FANCC: variants seen among roughly 807,000 people sequenced by gnomAD.
FANCC encodes FA complementation group C.
In FANCC, 55 loss-of-function variants were observed where a neutral mutation model predicts 71.3. The ratio of observed to expected loss-of-function variants is 0.77; its 90% CI spans 0.62 to 0.97. The LOEUF is 0.97. Among genes scored for constraint, FANCC ranks in the 50% least tolerant of loss-of-function variants. FANCC has a pLI of 0.00. For missense variants in FANCC, 678 were observed against 670.9 expected, an observed-to-expected ratio of 1.01 and a Z score of -0.12; for synonymous variants, 275 against 244.9, an observed-to-expected ratio of 1.12 and a Z score of -1.15.
intron 13 of FANCC, among the ~76,000 whole-genome samples, chr9:95,108,426 CT>C (rs2071631133): frequency 6.6e-6 from 1 of 152,212 alleles, no homozygotes. Context: ...GAGGCTATGC[CT>C]TTATATCTGT....
At chr9:95,136,385 A>G (rs1304093730) in intron 7 of FANCC, among the ~76,000 whole-genome samples, 1 of 152,154 alleles carries the variant, frequency 6.6e-6, no homozygotes, top group Non-Finnish European at 1.5e-5. Flanking sequence ...CCTGTCTCAA[A>G]AGAAAAAAAT....
intron 14 of FANCC, among the ~76,000 whole-genome samples, chr9:95,103,479 G>T (rs2071212023): frequency 6.6e-6 from 1 of 152,204 alleles, no homozygotes. Context: ...AGAAGGAGAA[G>T]TGTGAATCCA....
At chr9:95,146,325 G>A (rs1270813049) in intron 7 of FANCC, among the ~76,000 whole-genome samples, 2 of 150,848 alleles carry the variant, frequency 1.3e-5, no homozygotes, top group Non-Finnish European at 3.0e-5. Flanking sequence ...CGTCTCTACC[G>A]AAAATACAAA....
chr9:95,155,363 G>GAGGGAGGA (rs1830417937), intron 6 of FANCC, among the ~76,000 whole-genome samples: 2 of 94,260 alleles, frequency 2.1e-5, no homozygotes, highest in African/African-American at 8.4e-5. Flanking sequence ...GGGAGGGAGG[G>GAGGGAGGA]AGGGAGGGAG....
At chr9:95,125,620 T>G (rs894778416) in intron 9 of FANCC, among the ~76,000 whole-genome samples, 1 of 152,226 alleles carries the variant, frequency 6.6e-6, no homozygotes, top group African/African-American at 2.4e-5. Context: ...TGCATTATTG[T>G]ACAATTAATT....
intron 1 of FANCC, among the ~76,000 whole-genome samples, chr9:95,312,761 G>A (rs1835485951): frequency 6.6e-6 from 1 of 152,220 alleles, no homozygotes; most frequent in African/African-American, 2.4e-5. Context: ...AGGAGCCACT[G>A]CCCCTAGGGC....
At chr9:95,293,139 A>G in intron 1 of FANCC, 1 of 1,613,168 alleles carries the variant, frequency 6.2e-7, no homozygotes. Flanking sequence ...AGCTAGAACC[A>G]TCTTTTGAAG....
chr9:95,101,578 G>T lies in FANCC; in HGVS notation c.*129C>A. On this transcript the variant is annotated 3_prime_UTR_variant, in exon 15 of 15. Transcript: ENST00000289081. ...ATACTAGCAGATTGTCCCAAGATGT[G>T]TACAGCTCATTCTCACAGCCCAGCG... 8.9e-7 allele frequency: 1 copy of T among 1,126,414 alleles called. No individual in the cohort carries two copies. The highest frequency in any genetic ancestry group is 1.3e-6 in the Non-Finnish European group (1 of 770,758). The allele number at this position is 1,126,414 out of a possible 1,614,324, so 69.8% of individuals were successfully genotyped here. A position where few individuals can be genotyped will look rare whatever the true frequency, so the allele number is the denominator to read the frequency against.
chr9:95,220,028 T>C (rs551978895), intron 4 of FANCC, among the ~76,000 whole-genome samples: 1 of 151,724 alleles, frequency 6.6e-6, no homozygotes, highest in Non-Finnish European at 1.5e-5. Flanking sequence ...AAGAAAAAAA[T>C]CAAACAACCC....
rs1007937010 is a variant in FANCC, at chr9:95,255,825, C to G, written c.-78-6456G>C. Among the ~76,000 whole-genome samples the G allele has an allele frequency of 1.7e-4, 26 of 151,608 alleles. 1 individual carries two copies. Among genetic ancestry groups the G allele is most frequent in the African/African-American group, 6.1e-4 (25 of 41,306 alleles). On this transcript the variant is annotated intron_variant, in intron 1 of 14. Coordinates refer to ENST00000289081, the MANE Select transcript of FANCC (RefSeq NM_000136.3). ...GAAAAAAGGTTAGAGGAACTGCTAA[C>G]TAGAATAATATAAATGACCTGATTG...
intron 1 of FANCC, among the ~76,000 whole-genome samples, chr9:95,301,286 C>G (rs1834717848): frequency 6.6e-6 from 1 of 151,888 alleles, no homozygotes; most frequent in South Asian, 2.1e-4. Flanking sequence ...ATCATAAATT[C>G]TTAAGTCAAA....
At chr9:95,195,888 TA>T (rs2135770529) in intron 4 of FANCC, among the ~76,000 whole-genome samples, 2 of 152,382 alleles carry the variant, frequency 1.3e-5, no homozygotes, top group South Asian at 4.1e-4. Flanking sequence ...ATTGTGTTTT[TA>T]GTTTTGGTTT....
chr9:95,268,734 T>G (rs566744128), intron 1 of FANCC, among the ~76,000 whole-genome samples: 1 of 152,164 alleles, frequency 6.6e-6, no homozygotes, highest in Non-Finnish European at 1.5e-5. Context: ...TAGGTTCCCC[T>G]GGAAAGCAGA....
intron 4 of FANCC, among the ~76,000 whole-genome samples, chr9:95,235,367 T>A (rs189871203): frequency 1.3e-5 from 2 of 152,100 alleles, no homozygotes; most frequent in Non-Finnish European, 2.9e-5. Context: ...TGATTTTCAA[T>A]AACGGTGTCA....
chr9:95,275,704 G>A (rs1026463440), intron 1 of FANCC, among the ~76,000 whole-genome samples: 1 of 152,110 alleles, frequency 6.6e-6, no homozygotes, highest in Non-Finnish European at 1.5e-5. Context: ...CTTGGTGGCA[G>A]GAATAGGAGG....
intron 1 of FANCC, chr9:95,293,928 T>C: frequency 2.5e-6 from 4 of 1,589,232 alleles, no homozygotes; most frequent in Non-Finnish European, 3.5e-6. Context: ...TTGCTACAAG[T>C]AACATTATAA....
chr9:95,166,343 T>C (rs1420253801), intron 6 of FANCC, among the ~76,000 whole-genome samples: 1 of 152,118 alleles, frequency 6.6e-6, no homozygotes, highest in East Asian at 1.9e-4. Flanking sequence ...ATTTTTTTCA[T>C]AGTGACATGC....
At chr9:95,209,672 A>G (rs192713016) in intron 4 of FANCC, among the ~76,000 whole-genome samples, 4 of 152,312 alleles carry the variant, frequency 2.6e-5, no homozygotes, top group African/African-American at 9.6e-5. Flanking sequence ...AGTCTCCTTG[A>G]TGTTCTTTCT....
chr9:95,134,304 T>C (rs867937253), intron 8 of FANCC, among the ~76,000 whole-genome samples: 2 of 152,218 alleles, frequency 1.3e-5, no homozygotes, highest in Non-Finnish European at 1.5e-5. Flanking sequence ...CTAAACAAGT[T>C]GAAGGCCTCT....
Sources: gnomAD v4.1 joint callset for allele counts (sites outside exome capture counted in the v4.1 genomes callset) on GRCh38, gnomAD v4.1.1 for gene constraint, MANE v1.5 for transcripts, NCBI Gene and HGNC (gene_info 2026-07-23, HGNC 2026-07-21) for gene names.